The following PDE1C variants were observed in gnomAD, a reference collection of about 807,000 sequenced individuals.
PDE1C encodes dual specificity calcium/calmodulin-dependent 3',5'-cyclic nucleotide phosphodiesterase 1C.
In PDE1C, 62 loss-of-function variants were observed where a neutral mutation model predicts 93.1. The ratio of observed to expected loss-of-function variants is 0.67; its 90% confidence interval spans 0.54 to 0.82. The LOEUF (loss-of-function observed/expected upper bound fraction) is 0.82. PDE1C is among the 40% of genes least tolerant of loss of function. PDE1C has a pLI of 0.00. For synonymous variants in PDE1C, 325 were observed against 310.1 expected, an observed-to-expected ratio of 1.05 and a Z score of -0.50; for missense variants, 742 against 884.6, an observed-to-expected ratio of 0.84 and a Z score of 2.04.
At chr7:31,900,676 T>C (rs1258237645) in intron 2 of PDE1C, among the ~76,000 whole-genome samples, 2 of 151,902 alleles carry the variant, frequency 1.3e-5, no homozygotes, top group Non-Finnish European at 2.9e-5. Context: ...TATATATTCA[T>C]ATATTGCAGC....
intron 2 of PDE1C, among the ~76,000 whole-genome samples, chr7:32,180,076 T>A (rs2128811405): frequency 6.6e-6 from 1 of 152,282 alleles, no homozygotes; most frequent in East Asian, 1.9e-4. Context: ...AAAGCCCAGA[T>A]GAAGAACTTT....
the PDE1C span, among the ~76,000 whole-genome samples, chr7:31,635,660 C>G: frequency 6.6e-6 from 1 of 152,118 alleles, no homozygotes; most frequent in Non-Finnish European, 1.5e-5. Context: ...GTGTATTAGG[C>G]CGTTCTCATG....
intron 3 of PDE1C, among the ~76,000 whole-genome samples, chr7:32,163,929 T>A (rs770130242): frequency 5.3e-5 from 8 of 152,228 alleles, no homozygotes; most frequent in Non-Finnish European, 8.8e-5. Context: ...GCTGTCACCT[T>A]CTTTGGCCCA....
intron 3 of PDE1C, among the ~76,000 whole-genome samples, chr7:32,150,710 C>T (rs1801189682): frequency 6.6e-6 from 1 of 152,212 alleles, no homozygotes; most frequent in Non-Finnish European, 1.5e-5. Flanking sequence ...ATGCAAAGCA[C>T]TTCGAATAGG....
At chr7:31,713,317 C>A in the PDE1C span, among the ~76,000 whole-genome samples, 2 of 152,240 alleles carry the variant, frequency 1.3e-5, no homozygotes, top group South Asian at 4.1e-4. Context: ...CCAAAATAAT[C>A]TCCTTTGACT....
intron 3 of PDE1C, among the ~76,000 whole-genome samples, chr7:32,162,365 A>G (rs1801976109): frequency 6.6e-6 from 1 of 152,198 alleles, no homozygotes; most frequent in African/African-American, 2.4e-5. Flanking sequence ...GCACCAGCAG[A>G]GAACTGCAGT....
chr7:32,291,798 C>T (rs1812341976), intron 1 of PDE1C, among the ~76,000 whole-genome samples: 3 of 152,352 alleles, frequency 2.0e-5, no homozygotes, highest in African/African-American at 7.2e-5. Context: ...AGGGTCAAGA[C>T]TTGAAGCTCA....
At chr7:32,217,004 G>C (rs779090816) in intron 1 of PDE1C, among the ~76,000 whole-genome samples, 8 of 152,220 alleles carry the variant, frequency 5.3e-5, no homozygotes, top group Non-Finnish European at 1.2e-4. Context: ...CCAGGAGACT[G>C]TCAGGAGAGA....
At chr7:32,161,298 C>T (rs1445736690) in intron 3 of PDE1C, among the ~76,000 whole-genome samples, 1 of 152,166 alleles carries the variant, frequency 6.6e-6, no homozygotes, top group Non-Finnish European at 1.5e-5. Flanking sequence ...GGTTGGGCAG[C>T]CCAGTTGTGG....
chr7:32,395,729 A>T (rs1328871846), intron 1 of PDE1C, among the ~76,000 whole-genome samples: 1 of 152,252 alleles, frequency 6.6e-6, no homozygotes, highest in East Asian at 1.9e-4. Flanking sequence ...AAGTTGTTTT[A>T]CAGACTCTTG....
intron 17 of PDE1C, among the ~76,000 whole-genome samples, chr7:31,774,816 A>T (rs10951302): frequency 0.47 from 71,208 of 151,990 alleles, 17,061 homozygotes; most frequent in African/African-American, 0.5. Context: ...TAATAAAGAC[A>T]GGAAGGAGAG....
chr7:32,212,042 A>G lies in PDE1C; in HGVS notation c.86-2503T>C, dbSNP rs542103752. Among the ~76,000 whole-genome samples, 914 of 150,498 alleles carry G rather than the reference A, an allele frequency of 6.1e-3. 5 individuals carry two copies. Among genetic ancestry groups the G allele is most frequent in the African/African-American group, 0.018 (728 of 40,704 alleles). ...ACCTATCTCAAAAAAAAAAAAAAAAAAAAGAAAGAAAGAAAAAAGAAAAAG... is the reference window on the plus strand; with the variant it reads ...ACCTATCTCAAAAAAAAAAAAAAAAGAAAGAAAGAAAGAAAAAAGAAAAAG... On this transcript the variant is annotated intron_variant, in intron 1 of 18. Coordinates refer to the PDE1C transcript ENST00000396193.
intron 3 of PDE1C, among the ~76,000 whole-genome samples, chr7:32,132,641 G>A (rs923598709): frequency 1.3e-5 from 2 of 152,004 alleles, no homozygotes; most frequent in Non-Finnish European, 2.9e-5. Flanking sequence ...ATTCCAGCCT[G>A]AGTGACAGAG....
chr7:32,181,159 A>T (rs1181294151), intron 2 of PDE1C, among the ~76,000 whole-genome samples: 4 of 152,206 alleles, frequency 2.6e-5, no homozygotes, highest in African/African-American at 9.6e-5. Context: ...AAGTCCTTAA[A>T]GACATACAAA....
chr7:32,265,560 A>T (rs1231025220), intron 1 of PDE1C, among the ~76,000 whole-genome samples: 2 of 152,216 alleles, frequency 1.3e-5, no homozygotes, highest in Non-Finnish European at 2.9e-5. Context: ...AGAGACAGGG[A>T]ACAAACGTTG....
chr7:31,854,087 A>T (rs1793699651), intron 7 of PDE1C, among the ~76,000 whole-genome samples: 2 of 152,072 alleles, frequency 1.3e-5, no homozygotes, highest in Non-Finnish European at 2.9e-5. Context: ...TGGAGGTAGA[A>T]GCCATATGAC....
intron 7 of PDE1C, among the ~76,000 whole-genome samples, chr7:31,861,442 C>G (rs1185835744): frequency 1.3e-5 from 2 of 151,834 alleles, no homozygotes; most frequent in African/African-American, 4.8e-5. Context: ...CCTGATCTCC[C>G]CTGGAACTCT....
chr7:31,698,821 C>T, the PDE1C span, among the ~76,000 whole-genome samples: 8 of 152,112 alleles, frequency 5.3e-5, no homozygotes, highest in South Asian at 2.1e-4. Flanking sequence ...AAATCCTTTC[C>T]GAGGAAGAGA....
At chr7:31,828,598 C>T (rs1315127311) in intron 11 of PDE1C, among the ~76,000 whole-genome samples, 1 of 152,176 alleles carries the variant, frequency 6.6e-6, no homozygotes, top group Non-Finnish European at 1.5e-5. Flanking sequence ...GTTCATGTTG[C>T]TGTAAAGAAA....
Sources: allele counts gnomAD v4.1 joint callset (sites outside exome capture counted in the v4.1 genomes callset), GRCh38; gene constraint gnomAD v4.1.1; transcripts MANE v1.5; gene names NCBI Gene and HGNC (gene_info 2026-07-23, HGNC 2026-07-21).